Variants in RGL1 observed in about 807,000 individuals in gnomAD.
RGL1 encodes the protein ral guanine nucleotide dissociation stimulator-like 1.
RGL1 carries 24 observed loss-of-function variants against 95.2 expected under a neutral mutation model. That is an observed-to-expected ratio of 0.25 (90% confidence interval 0.18 to 0.35). The LOEUF (loss-of-function observed/expected upper bound fraction) is 0.35, where lower values mean the gene tolerates loss of function less well. RGL1 is among the 10% of genes least tolerant of loss of function. The pLI is 1.00. For synonymous variants in RGL1, 329 were observed against 344.9 expected, an observed-to-expected ratio of 0.95 and a Z score of 0.51; for missense variants, 715 against 936.3, an observed-to-expected ratio of 0.76 and a Z score of 3.08.
At chr1:183,850,972 A>G (rs1246122860) in intron 3 of RGL1, among the ~76,000 whole-genome samples, 4 of 152,310 alleles carry the variant, frequency 2.6e-5, no homozygotes, top group Non-Finnish European at 5.9e-5. Context: ...TAAATAGAGG[A>G]CATATACACA....
intron 16 of RGL1, 107 bp downstream of exon 16, chr1:183,916,808 A>G (rs1669007758): frequency 7.9e-7 from 1 of 1,259,754 alleles, no homozygotes; most frequent in Non-Finnish European, 1.1e-6. Flanking sequence ...CAATATTAGC[A>G]TATACATATA....
chr1:183,704,588 G>A (rs1391218492), intron 1 of RGL1, among the ~76,000 whole-genome samples: 1 of 152,324 alleles, frequency 6.6e-6, no homozygotes, highest in Non-Finnish European at 1.5e-5. Context: ...TTTGGAAAAT[G>A]TATAAGAAAT....
chr1:183,665,580 G>T (rs894906357), intron 1 of RGL1, among the ~76,000 whole-genome samples: 1 of 152,134 alleles, frequency 6.6e-6, no homozygotes, highest in Non-Finnish European at 1.5e-5. Context: ...GGCCCATTAA[G>T]ACTGCCTATT....
At chr1:183,687,543 C>T (rs1653676743) in intron 1 of RGL1, among the ~76,000 whole-genome samples, 1 of 152,162 alleles carries the variant, frequency 6.6e-6, no homozygotes, top group Admixed American at 6.5e-5. Context: ...GCATTTTATG[C>T]TCCCTGAGAT....
At chr1:183,764,200 A>C (rs1472710359) in intron 2 of RGL1, among the ~76,000 whole-genome samples, 1 of 152,234 alleles carries the variant, frequency 6.6e-6, no homozygotes, top group Non-Finnish European at 1.5e-5. Context: ...GATAATGAGC[A>C]TTGCCAGGGA....
intron 1 of RGL1, among the ~76,000 whole-genome samples, chr1:183,642,961 C>T (rs1342218269): frequency 6.6e-6 from 1 of 152,158 alleles, no homozygotes; most frequent in East Asian, 1.9e-4. Flanking sequence ...GTTCCCTGCT[C>T]CCCAGCCCCT....
chr1:183,727,097 C>T (rs567929777), intron 1 of RGL1, among the ~76,000 whole-genome samples: 30 of 152,016 alleles, frequency 2.0e-4, no homozygotes, highest in African/African-American at 7.0e-4. Context: ...TGAACATGGA[C>T]CAACAATCTT....
At chr1:183,642,758 G>T (rs980271702) in intron 1 of RGL1, among the ~76,000 whole-genome samples, 3 of 152,116 alleles carry the variant, frequency 2.0e-5, no homozygotes, top group African/African-American at 7.2e-5. Flanking sequence ...AGACCAGTAG[G>T]TGTCAACTAG....
chr1:183,901,892 G>A (rs1323917347), intron 11 of RGL1, among the ~76,000 whole-genome samples: 2 of 152,194 alleles, frequency 1.3e-5, no homozygotes, highest in Non-Finnish European at 2.9e-5. Flanking sequence ...TATGCAACCA[G>A]CCTGCTTTTA....
In RGL1 at chr1:183,847,761, C is replaced by CTACT; in HGVS notation, c.335_338dup (p.Leu114ThrfsTer14). On this transcript the variant is annotated frameshift_variant, in exon 3 of 18. Transcript: ENST00000360851. LOFTEE classifies it high-confidence loss of function. ...TGCCTCCACTAAAGAAGTGCTGGAA[C>CTACT]TACTGCTGGACAGGTAAGAATGTAA... The CTACT allele has an allele frequency of 6.2e-7, 1 of 1,613,682 alleles. No homozygotes were observed. Among genetic ancestry groups the CTACT allele is most frequent in the Non-Finnish European group, 8.5e-7 (1 of 1,179,586 alleles).
At chr1:183,669,753 C>A (rs1282305839) in intron 1 of RGL1, among the ~76,000 whole-genome samples, 1 of 152,120 alleles carries the variant, frequency 6.6e-6, no homozygotes, top group Non-Finnish European at 1.5e-5. Context: ...TTAATGCACT[C>A]ACAATTCCAC....
intron 2 of RGL1, among the ~76,000 whole-genome samples, chr1:183,821,671 G>A (rs1235314930): frequency 6.6e-6 from 1 of 152,166 alleles, no homozygotes; most frequent in Non-Finnish European, 1.5e-5. Flanking sequence ...CATCCTAAAA[G>A]CAGTGGCCAC....
At chr1:183,903,565 G>T (rs563354640) in intron 12 of RGL1, among the ~76,000 whole-genome samples, 55 of 152,216 alleles carry the variant, frequency 3.6e-4, no homozygotes, top group Admixed American at 1.3e-3. Context: ...AACATGGGGG[G>T]GGTTTGGGAA....
intron 15 of RGL1, among the ~76,000 whole-genome samples, chr1:183,913,182 C>CTTTTTTTTTTTTTTTTTTTTTT (rs537751695): frequency 1.5e-5 from 1 of 68,246 alleles, no homozygotes; most frequent in African/African-American, 6.3e-5. Flanking sequence ...GACCAGTCTT[C>CTTTTTTTTTTTTTTTTTTTTTT]TTTTTTTTTT....
At position 183,691,199 on chromosome 1, in the gene RGL1, C is replaced by A. The variant is rs181842132; in HGVS notation, c.-32-50927C>A. Among the ~76,000 whole-genome samples the A allele has an allele frequency of 6.6e-5, 10 of 152,232 alleles. No individual in the cohort carries two copies. The East Asian group carries it at 1.7e-3, about 26-fold the overall frequency. On this transcript the variant is annotated intron_variant, in intron 1 of 18. Coordinates refer to the RGL1 transcript ENST00000304685. ...CATCATAAAAACTGAATAAAATGAA[C>A]ATGACTTGGTTATTTGCCATAGATG...
chr1:183,765,727 T>G (rs557566230), intron 2 of RGL1, among the ~76,000 whole-genome samples: 1 of 152,320 alleles, frequency 6.6e-6, no homozygotes, highest in Admixed American at 6.5e-5. Context: ...AAGGAAGCCC[T>G]GGGTTGTAGC....
intron 14 of RGL1, among the ~76,000 whole-genome samples, chr1:183,908,492 C>G (rs74133029): frequency 0.012 from 1,814 of 152,314 alleles, 41 homozygotes; most frequent in African/African-American, 0.042. Flanking sequence ...GATGACTGTC[C>G]TGGCCCTGCG....
Position 183,690,122 on chromosome 1 carries a change from G to T in RGL1, c.-32-52004G>T, listed in dbSNP as rs571666108. On this transcript the variant is annotated intron_variant, in intron 1 of 18. Coordinates refer to the RGL1 transcript ENST00000304685. The stretch of plus-strand genomic sequence containing the variant: ...ATTGACTGAAGGAAGGGCTGATGAA[G>T]TGGCAAGCCTTGGGCTAGGTGGGAG... Among the ~76,000 whole-genome samples the T allele has an allele frequency of 1.3e-4, 20 of 152,316 alleles. No homozygotes were observed. The South Asian group carries it at 3.9e-3, about 30-fold the overall frequency.
At position 183,767,167 on chromosome 1, in the gene RGL1, C is replaced by G. The variant is rs12057702; in HGVS notation, c.132+24878C>G. Among the ~76,000 whole-genome samples, 273 of 148,700 alleles carry G rather than the reference C, an allele frequency of 1.8e-3. 6 individuals are homozygous for G. The East Asian group carries it at 0.043, about 23-fold the overall frequency. On this transcript the variant is annotated intron_variant, in intron 2 of 18. Transcript: ENST00000304685. Reference sequence around the variant, plus strand: ...CCCAGGAGTTTGAAGTTGCAGTGAGCTATGATCATGGCATTGCCCTCCAGT... The same window carrying G: ...CCCAGGAGTTTGAAGTTGCAGTGAGGTATGATCATGGCATTGCCCTCCAGT...
Sources: gnomAD v4.1 joint callset for allele counts (sites outside exome capture counted in the v4.1 genomes callset) on GRCh38, gnomAD v4.1.1 for gene constraint, MANE v1.5 for transcripts, NCBI Gene and HGNC (gene_info 2026-07-23, HGNC 2026-07-21) for gene names.